RAD52: variants seen among roughly 807,000 people sequenced by gnomAD.
The protein encoded by RAD52 is RAD52 DNA repair protein.
Under a neutral mutation model 55.5 loss-of-function variants are expected in RAD52, and 47 were observed. That is an observed-to-expected ratio of 0.85 (90% CI 0.67 to 1.08). The LOEUF is 1.08. Ranked by LOEUF, RAD52 falls within the 50% of genes least tolerant of loss-of-function variation. The probability of loss-of-function intolerance (pLI) is 0.00; values close to 1 mark genes in which losing one functional copy is unlikely to be tolerated. For missense variants in RAD52, 468 were observed against 522.8 expected (o/e 0.90, Z 1.02); for synonymous variants, 184 against 198.9 (o/e 0.92, Z 0.63).
chr12:930,475 G>C (rs1439352746), intron 3 of RAD52, among the ~76,000 whole-genome samples: 5 of 151,954 alleles, frequency 3.3e-5, no homozygotes, highest in Non-Finnish European at 7.4e-5. Context: ...TTGGGAGGAG[G>C]AACTCACCCA....
At chr12:986,801 C>A (rs143086501) in intron 1 of RAD52, among the ~76,000 whole-genome samples, 1,571 of 143,116 alleles carry the variant, frequency 0.011, 13 homozygotes, top group Middle Eastern at 0.059. Flanking sequence ...TCTCTCTTTT[C>A]CGGGCGTTTT....
chr12:954,613 G>A (rs1958580366), upstream of RAD52, among the ~76,000 whole-genome samples: 3 of 152,158 alleles, frequency 2.0e-5, no homozygotes, highest in African/African-American at 7.2e-5. Flanking sequence ...CAGCTTGGGC[G>A]ACAGAGCAAG....
chr12:923,217 C>T (rs12307527), intron 7 of RAD52, among the ~76,000 whole-genome samples: 17,412 of 148,350 alleles, frequency 0.12, 1,031 homozygotes, highest in South Asian at 0.17. Context: ...CAAGAACTCA[C>T]CTCTTAAAAA....
chr12:988,901 T>G (rs1959127729), intron 1 of RAD52, among the ~76,000 whole-genome samples: 1 of 121,012 alleles, frequency 8.3e-6, no homozygotes, highest in South Asian at 2.3e-4. Flanking sequence ...AATTTCAACA[T>G]GAGATTTGGT....
chr12:932,293 G>C (rs968785124), intron 2 of RAD52, among the ~76,000 whole-genome samples: 2 of 152,076 alleles, frequency 1.3e-5, no homozygotes, highest in Admixed American at 1.3e-4. Flanking sequence ...TCAGGAGTTC[G>C]AGACCAGCCT....
At chr12:926,501 C>G (rs1164284705) in intron 6 of RAD52, among the ~76,000 whole-genome samples, 2 of 151,974 alleles carry the variant, frequency 1.3e-5, no homozygotes, top group African/African-American at 4.8e-5. Flanking sequence ...AAGACCCTGT[C>G]TCAAAAAATG....
upstream of RAD52, among the ~76,000 whole-genome samples, chr12:953,740 C>T (rs147170229): frequency 6.8e-4 from 103 of 152,292 alleles, no homozygotes; most frequent in African/African-American, 2.1e-3. Context: ...GATTTCTAAT[C>T]CATCGTGCCT....
chr12:947,328 C>A (rs895368438), intron 1 of RAD52, among the ~76,000 whole-genome samples: 1 of 71,016 alleles, frequency 1.4e-5, no homozygotes, highest in East Asian at 3.3e-4. Context: ...CTCTGTCCCC[C>A]CAAAAAAACA....
chr12:940,852 T>A (rs1306700680), intron 1 of RAD52, among the ~76,000 whole-genome samples: 1 of 150,978 alleles, frequency 6.6e-6, no homozygotes, highest in Non-Finnish European at 1.5e-5. Context: ...AAATGCAAAC[T>A]TCGAGAAAAA....
intron 7 of RAD52, among the ~76,000 whole-genome samples, chr12:924,300 C>T (rs1015417525): frequency 1.1e-4 from 17 of 151,702 alleles, no homozygotes; most frequent in African/African-American, 3.6e-4. Flanking sequence ...ATCCCAGCTA[C>T]TCAGGAGGCT....
intron 7 of RAD52, among the ~76,000 whole-genome samples, chr12:920,516 C>T (rs1374561406): frequency 2.0e-5 from 3 of 150,700 alleles, no homozygotes; most frequent in African/African-American, 4.9e-5. Flanking sequence ...GAGATCGCAC[C>T]GCCACTGCAC....
At chr12:936,032 G>A (rs1035289680) in intron 1 of RAD52, among the ~76,000 whole-genome samples, 2 of 151,732 alleles carry the variant, frequency 1.3e-5, no homozygotes, top group East Asian at 3.9e-4. Context: ...GGCCGGGCAC[G>A]GTGGCTCACA....
chr12:919,874 G>A (rs1364177739), intron 7 of RAD52, among the ~76,000 whole-genome samples: 3 of 118,132 alleles, frequency 2.5e-5, no homozygotes, highest in East Asian at 2.2e-4. Context: ...CCAACATGGT[G>A]AAACCCCCTC....
intron 1 of RAD52, among the ~76,000 whole-genome samples, chr12:938,453 C>T (rs1174762861): frequency 6.6e-6 from 1 of 152,162 alleles, no homozygotes; most frequent in Non-Finnish European, 1.5e-5. Flanking sequence ...GAGGCCAAGG[C>T]GGGTGGATCA....
Position 914,495 on chromosome 12 carries a change from A to G in RAD52, c.903T>C (p.Pro301=), listed in dbSNP as rs1473569751. The change falls in exon 10 of 12, where the codon CCT becomes CCC. Residue 301 remains proline (P), a synonymous_variant. Transcript: ENST00000358495. ...PPAPPVTHST[P]VTVSEPLLEK... is the part of the protein sequence containing the mutation. ...CCAGGAGTGGTTCTGAGACAGTTAC[A>G]GGAGTGCTGTGCGTCACAGGAGGGG... 8.1e-6 allele frequency: 13 copies of G among 1,613,736 alleles called. No individual in the cohort carries two copies. The highest frequency in any genetic ancestry group is 1.1e-5 in the Non-Finnish European group (13 of 1,179,854).
At chr12:982,085 GA>G (rs1186873122) in intron 1 of RAD52, among the ~76,000 whole-genome samples, 16 of 152,210 alleles carry the variant, frequency 1.1e-4, no homozygotes, top group African/African-American at 3.1e-4. Flanking sequence ...GTTGCTAACT[GA>G]ATCTCCTTTG....
intron 1 of RAD52, among the ~76,000 whole-genome samples, chr12:938,483 G>A (rs904556430): frequency 1.8e-4 from 27 of 152,176 alleles, no homozygotes; most frequent in African/African-American, 6.3e-4. Context: ...AGGAGTTCAA[G>A]ACCAGCCTGG....
In RAD52 at chr12:916,674, A is replaced by C. The variant is rs371554744; in HGVS notation, c.690T>G (p.His230Gln). The C allele has an allele frequency of 3.7e-6, 6 of 1,613,830 alleles. No individual in the cohort carries two copies. In the East Asian group the frequency reaches 1.1e-4, roughly 30 times the overall value. ...QQVTSPSRPS[H>Q]AVIPADQDCS... ...AGTCCTGGTCCGCCGGTATCACAGC[A>C]TGGCTGGGTCTGGAAGGGGAGGTCA... Residue 230 changes from histidine to glutamine, a missense_variant, in exon 8 of 12, where the codon CAT (histidine) becomes CAG (glutamine). By Grantham distance (24) the His-to-Gln change is conservative. Transcript: ENST00000358495.
At chr12:950,115 A>T (rs11571378), upstream of RAD52, among the ~76,000 whole-genome samples, 73,406 of 152,038 alleles carry the variant, frequency 0.48, 17,885 homozygotes, top group Non-Finnish European at 0.52. Flanking sequence ...GTTGTCAGAG[A>T]CCTTCCCAGA....
Sources: allele counts gnomAD v4.1 joint callset (sites outside exome capture counted in the v4.1 genomes callset), GRCh38; gene constraint gnomAD v4.1.1; transcripts MANE v1.5; gene names NCBI Gene and HGNC (gene_info 2026-07-23, HGNC 2026-07-21).